ARHGDIB: variants seen among roughly 807,000 people sequenced by gnomAD.
ARHGDIB encodes Rho GDP dissociation inhibitor beta.
A neutral mutation model predicts 22.6 loss-of-function variants in ARHGDIB; 20 were observed. That is an observed-to-expected ratio of 0.88 (90% CI 0.62 to 1.28). The LOEUF (loss-of-function observed/expected upper bound fraction) is 1.28, where lower values mean the gene tolerates loss of function less well. Ranked by LOEUF, ARHGDIB falls within the 50% of genes most tolerant of loss-of-function variation. ARHGDIB has a pLI of 0.00. For missense variants in ARHGDIB, 254 were observed against 245.4 expected (o/e 1.04, Z -0.23); for synonymous variants, 114 against 96.1 (o/e 1.19, Z -1.09).
intron 1 of ARHGDIB, among the ~76,000 whole-genome samples, chr12:14,960,527 G>A (rs527504423): frequency 1.3e-5 from 2 of 152,288 alleles, no homozygotes; most frequent in South Asian, 4.1e-4. Flanking sequence ...TTTTGAGCCA[G>A]AGTTTCGCTC....
At position 14,942,562 on chromosome 12, in the gene ARHGDIB, C is replaced by T; in HGVS notation, c.566G>A (p.Trp189Ter). The change falls in exon 6 of 6, where the codon TGG becomes TAG. Residue 189 changes from tryptophan (W) to a stop codon, truncating the protein, a stop_gained. Coordinates refer to ENST00000228945, the MANE Select transcript of ARHGDIB (RefSeq NM_001175.7). LOFTEE classifies it high-confidence loss of function. ...TDDDKQDHLS[W>*]EWNLSIKKEW... The stretch of plus-strand genomic sequence containing the variant: ...CTTCTTAATCGACAGGTTCCACTCC[C>T]AGCTGAGGTGGTCTTGCTTGTCATC... 3 of 1,614,148 alleles carry T rather than the reference C, an allele frequency of 1.9e-6. No individual in the cohort carries two copies. The highest frequency in any genetic ancestry group is 2.5e-6 in the Non-Finnish European group (3 of 1,180,022).
intron 3 of ARHGDIB, 38 bp from the exon 4 acceptor site, chr12:14,947,987 G>T (rs756060041): frequency 2.0e-6 from 3 of 1,532,846 alleles, no homozygotes; most frequent in Non-Finnish European, 1.8e-6. Context: ...ATCCTCAAAA[G>T]CAGATACACA....
At chr12:14,945,581 A>G (rs1191063478) in intron 4 of ARHGDIB, among the ~76,000 whole-genome samples, 1 of 152,260 alleles carries the variant, frequency 6.6e-6, no homozygotes, top group African/African-American at 2.4e-5. Flanking sequence ...CGTTATGTCT[A>G]TACAAACAAA....
At chr12:14,945,763 G>T (rs1863999280) in intron 4 of ARHGDIB, among the ~76,000 whole-genome samples, 1 of 152,198 alleles carries the variant, frequency 6.6e-6, no homozygotes, top group African/African-American at 2.4e-5. Flanking sequence ...TGTTGGCAGG[G>T]AGGTGGCAGA....
intron 5 of ARHGDIB, 92 bp downstream of exon 5, chr12:14,944,684 T>C: frequency 4.0e-6 from 5 of 1,251,072 alleles, no homozygotes; most frequent in African/African-American, 1.5e-5. Context: ...TGTATTCTCA[T>C]CTGAGTCTAT....
rs529856944 is a variant in ARHGDIB at position 14,959,288 on chromosome 12, C to T, written c.-13+2249G>A. On this transcript the variant is annotated intron_variant, in intron 1 of 5. Coordinates refer to ENST00000228945, the MANE Select transcript of ARHGDIB (RefSeq NM_001175.7). ...GGTAAAATTAGCCAGCGTGGTGATG[C>T]GCGCCTATAGTCCCAGCTACTCGGG... Among the ~76,000 whole-genome samples the T allele has an allele frequency of 3.9e-5, 6 of 152,238 alleles. No individual in the cohort carries two copies. In the South Asian group the frequency reaches 1.2e-3, roughly 32 times the overall value.
intron 4 of ARHGDIB, chr12:14,947,657 A>C (rs1214038705): frequency 5.7e-6 from 3 of 524,816 alleles, no homozygotes; most frequent in Non-Finnish European, 6.8e-6. Flanking sequence ...AGAGATAATG[A>C]AGAGTTTAAG....
chr12:14,946,904 A>G (rs1864028990), intron 4 of ARHGDIB, among the ~76,000 whole-genome samples: 1 of 152,266 alleles, frequency 6.6e-6, no homozygotes, highest in Non-Finnish European at 1.5e-5. Context: ...ATAATATGAC[A>G]GGAAACAAGT....
chr12:14,961,167 A>C (rs1864403708), intron 1 of ARHGDIB: 1 of 152,142 alleles, frequency 6.6e-6, no homozygotes, highest in African/African-American at 2.4e-5. Flanking sequence ...ATCATTTTGG[A>C]TCTACAGTCT....
intron 1 of ARHGDIB, among the ~76,000 whole-genome samples, chr12:14,959,938 G>T (rs1277059133): frequency 1.3e-5 from 2 of 152,158 alleles, no homozygotes; most frequent in African/African-American, 4.8e-5. Flanking sequence ...TATCTGCTTT[G>T]GGAGGGAATA....
intron 1 of ARHGDIB, 129 bp downstream of exon 1, chr12:14,961,408 T>C (rs1864408307): frequency 6.6e-6 from 1 of 152,222 alleles, no homozygotes; most frequent in Admixed American, 6.5e-5. Context: ...TATCATAAAG[T>C]TTGTTTTAAA....
intron 2 of ARHGDIB, 148 bp downstream of exon 2, chr12:14,950,384 A>G: frequency 1.5e-6 from 1 of 682,534 alleles, no homozygotes; most frequent in East Asian, 2.6e-5. Context: ...ACAGTTCATA[A>G]CTTTAATCAG....
chr12:14,945,088 G>C (rs1592286096), intron 4 of ARHGDIB, among the ~76,000 whole-genome samples: 1 of 152,180 alleles, frequency 6.6e-6, no homozygotes, highest in East Asian at 1.9e-4. Flanking sequence ...TTTTGGGAGA[G>C]AGGAGTGGTT....
At position 14,942,481 on chromosome 12, in the gene ARHGDIB, A is replaced by G. The variant is rs1450503006; in HGVS notation, c.*41T>C. The G allele has an allele frequency of 2.5e-6, 4 of 1,610,886 alleles. No homozygotes were observed. The highest frequency in any genetic ancestry group is 3.4e-6 in the Non-Finnish European group (4 of 1,177,908). On this transcript the variant is annotated 3_prime_UTR_variant, in exon 6 of 6. Transcript: ENST00000228945. The stretch of plus-strand genomic sequence containing the variant: ...CAGGGTGCTGAACACGCCTGAGAGA[A>G]TTCTTCCAGGTGGCAAGGGTGGGGA...
chr12:14,944,826 A>C lies in ARHGDIB; in HGVS notation c.356T>G (p.Ile119Ser). 1 of 1,613,448 alleles carries C rather than the reference A, an allele frequency of 6.2e-7. No homozygotes were observed. Among genetic ancestry groups the C allele is most frequent in the Non-Finnish European group, 8.5e-7 (1 of 1,179,666 alleles). The change falls in exon 5 of 6, where the codon ATT (isoleucine) becomes AGT (serine). Residue 119 changes from isoleucine (I) to serine (S), a missense_variant. Coordinates refer to ENST00000228945, the MANE Select transcript of ARHGDIB (RefSeq NM_001175.7). ...VKIHFKVNRD[I>S]VSGLKYVQHT... The stretch of plus-strand genomic sequence containing the variant: ...CTGAACGTATTTCAGGCCTGACACA[A>C]TATCCCTGTTCACCTGCAGGTGGGA...
intron 1 of ARHGDIB, 118 bp from the exon 2 acceptor site, chr12:14,950,842 C>G: frequency 2.7e-6 from 2 of 734,744 alleles, no homozygotes; most frequent in Non-Finnish European, 4.2e-6. Flanking sequence ...AGTCACTTTC[C>G]TGATTGTTTT....
intron 3 of ARHGDIB, among the ~76,000 whole-genome samples, chr12:14,948,649 C>G (rs1864088412): frequency 6.6e-6 from 1 of 152,184 alleles, no homozygotes; most frequent in Non-Finnish European, 1.5e-5. Context: ...TGCATAGCAG[C>G]TTGTTAGTGA....
Position 14,947,886 on chromosome 12 carries a change from T to C in ARHGDIB, c.329A>G (p.Lys110Arg). ...VLKEGSEYRV[K>R]IHFKVNRDIV... is the part of the protein sequence containing the mutation. ...CAGGATACTTACTTTGAAGTGAATTTTGACTCTATATTCAGAACCTTCCTT... is the reference window on the plus strand; with the variant it reads ...CAGGATACTTACTTTGAAGTGAATTCTGACTCTATATTCAGAACCTTCCTT... Residue 110 changes from lysine (K) to arginine (R), a missense_variant, in exon 4 of 6, where the codon AAA (lysine) becomes AGA (arginine). By Grantham distance (26) the Lys-to-Arg change is conservative. Coordinates refer to ENST00000228945, the MANE Select transcript of ARHGDIB (RefSeq NM_001175.7). The C allele has an allele frequency of 6.2e-7, 1 of 1,611,920 alleles. No individual in the cohort carries two copies. The highest frequency in any genetic ancestry group is 8.5e-7 in the Non-Finnish European group (1 of 1,177,982).
At chr12:14,952,668 A>G (rs943558680) in intron 1 of ARHGDIB, among the ~76,000 whole-genome samples, 1 of 152,236 alleles carries the variant, frequency 6.6e-6, no homozygotes, top group African/African-American at 2.4e-5. Context: ...AGAGCAAGCC[A>G]GATAAGACTA....
Sources: allele counts gnomAD v4.1 joint callset (sites outside exome capture counted in the v4.1 genomes callset), GRCh38; gene constraint gnomAD v4.1.1; transcripts MANE v1.5; gene names NCBI Gene and HGNC (gene_info 2026-07-23, HGNC 2026-07-21).